SV2C: variants seen among roughly 807,000 people sequenced by gnomAD.
SV2C encodes solute carrier family 22 member B3.
SV2C carries 49 observed loss-of-function variants against 79.7 expected under a neutral mutation model. The observed-to-expected ratio is 0.61, with a 90% CI of 0.49 to 0.78. SV2C has a LOEUF of 0.78. Among genes scored for constraint, SV2C ranks in the 30% least tolerant of loss-of-function variants. SV2C has a pLI of 0.00. For synonymous variants in SV2C, 334 were observed against 333.2 expected (o/e 1.00, Z -0.03); for missense variants, 833 against 912.9 (o/e 0.91, Z 1.13).
chr5:76,052,838 TATA>T, the SV2C span, among the ~76,000 whole-genome samples: 2 of 152,018 alleles, frequency 1.3e-5, no homozygotes, highest in Non-Finnish European at 2.9e-5. Context: ...TTCTGACTAC[TATA>T]ATAATGTTTA....
chr5:76,298,143 CAG>C (rs1747840498), intron 9 of SV2C, among the ~76,000 whole-genome samples: 1 of 152,060 alleles, frequency 6.6e-6, no homozygotes, highest in Admixed American at 6.5e-5. Context: ...CAAAAATAAG[CAG>C]AGTTCTCATA....
chr5:76,030,266 GTTTT>G, the SV2C span, among the ~76,000 whole-genome samples: 2 of 31,980 alleles, frequency 6.3e-5, no homozygotes, highest in African/African-American at 2.9e-4. Flanking sequence ...TCAGAGGCTT[GTTTT>G]TTTTTTTTTT....
chr5:76,256,553 C>T (rs968254244), intron 4 of SV2C, among the ~76,000 whole-genome samples: 6 of 152,178 alleles, frequency 3.9e-5, no homozygotes, highest in Non-Finnish European at 7.3e-5. Flanking sequence ...TGACTTGTGT[C>T]CATCACTCTT....
At position 76,237,969 on chromosome 5, in the gene SV2C, A is replaced by AACACAC. The variant is rs200837649; in HGVS notation, c.913+28100_913+28105dup. ...GCTTATGGCCCTAGTCCAGAGGACTAACACACACACACACACACACACATA... is the reference window on the plus strand; with the variant it reads ...GCTTATGGCCCTAGTCCAGAGGACTAACACACACACACACACACACACACACACATA... On this transcript the variant is annotated intron_variant, in intron 4 of 12. Transcript: ENST00000502798. Among the ~76,000 whole-genome samples the AACACAC allele has an allele frequency of 4.3e-3, 586 of 136,918 alleles. 2 individuals carry two copies. Among genetic ancestry groups the AACACAC allele is most frequent in the Admixed American group, 8.0e-3 (113 of 14,090 alleles). 89.8% of individuals were successfully genotyped at this position (136,918 alleles called of 152,430 possible). A position where few individuals can be genotyped will look rare whatever the true frequency, so the allele number is the denominator to read the frequency against.
At chr5:76,261,879 A>G (rs1285549241) in intron 4 of SV2C, among the ~76,000 whole-genome samples, 1 of 152,244 alleles carries the variant, frequency 6.6e-6, no homozygotes, top group Non-Finnish European at 1.5e-5. Flanking sequence ...ATCGATGTTC[A>G]TCAGGGATAT....
At chr5:75,927,810 C>A in the SV2C span, among the ~76,000 whole-genome samples, 2 of 152,034 alleles carry the variant, frequency 1.3e-5, no homozygotes, top group Non-Finnish European at 2.9e-5. Context: ...GAAATGTGTG[C>A]AATTTTTGGT....
intron 2 of SV2C, among the ~76,000 whole-genome samples, chr5:76,158,185 A>C (rs1742793027): frequency 6.6e-6 from 1 of 151,918 alleles, no homozygotes; most frequent in African/African-American, 2.4e-5. Context: ...ACATAAATTT[A>C]CTGTATCAAT....
chr5:76,006,936 A>G, the SV2C span, among the ~76,000 whole-genome samples: 3 of 152,176 alleles, frequency 2.0e-5, no homozygotes, highest in Non-Finnish European at 4.4e-5. Flanking sequence ...GGACTTCGTC[A>G]TCATCAACAA....
intron 3 of SV2C, among the ~76,000 whole-genome samples, chr5:76,199,771 A>G (rs1744378414): frequency 6.6e-6 from 1 of 152,222 alleles, no homozygotes; most frequent in African/African-American, 2.4e-5. Context: ...TTCTTACTTG[A>G]TCTGTATAAG....
chr5:75,915,528 C>T, the SV2C span, among the ~76,000 whole-genome samples: 4 of 152,270 alleles, frequency 2.6e-5, no homozygotes, highest in Admixed American at 1.3e-4. Context: ...GTATGACTGC[C>T]TAATATATAG....
the SV2C span, among the ~76,000 whole-genome samples, chr5:75,902,928 G>T: frequency 4.9e-4 from 75 of 152,224 alleles, no homozygotes; most frequent in Non-Finnish European, 8.8e-5. Context: ...TGATCTAAAA[G>T]GCTAATGTTG....
At chr5:76,065,207 T>A in the SV2C span, among the ~76,000 whole-genome samples, 1 of 152,222 alleles carries the variant, frequency 6.6e-6, no homozygotes, top group African/African-American at 2.4e-5. Flanking sequence ...TTGTGGTTTT[T>A]AAAATATAAT....
chr5:75,858,848 A>G, the SV2C span, among the ~76,000 whole-genome samples: 4 of 147,860 alleles, frequency 2.7e-5, no homozygotes, highest in African/African-American at 1.1e-4. Flanking sequence ...GTGTCTAGGA[A>G]TTTATTTTTC....
the SV2C span, chr5:75,920,543 T>C: frequency 8.1e-5 from 38 of 471,470 alleles, no homozygotes; most frequent in African/African-American, 7.7e-4. Context: ...CACACCATCT[T>C]GGAATAAGAA....
At chr5:76,082,894 C>T (rs573637302), upstream of SV2C, among the ~76,000 whole-genome samples, 3 of 152,294 alleles carry the variant, frequency 2.0e-5, no homozygotes, top group African/African-American at 7.2e-5. Context: ...CAAGTCAGTC[C>T]CAGGCCCGGA....
At chr5:75,933,829 A>C in the SV2C span, among the ~76,000 whole-genome samples, 86,266 of 152,046 alleles carry the variant, frequency 0.57, 25,352 homozygotes, top group African/African-American at 0.73. Context: ...CCTGACCAAA[A>C]CTAACTTTGC....
In SV2C at chr5:76,325,370, A is replaced by G. The variant is rs1561318429; in HGVS notation, c.2007A>G (p.Thr669=). The part of the protein sequence containing the change: ...VELYPTDRRA[T]GFGFLNALCK... ...ATGTCTCTTTCCTTTGCAGGGCAAC[A>G]GGCTTTGGCTTCTTAAATGCGCTAT... Residue 669 remains threonine (T), a synonymous_variant, in exon 13 of 13, where the codon ACA becomes ACG. Transcript: ENST00000502798. 6.2e-7 allele frequency: 1 copy of G among 1,614,112 alleles called. No homozygotes were observed. The highest frequency in any genetic ancestry group is 2.2e-5 in the East Asian group (1 of 44,882).
chr5:75,988,598 A>G, the SV2C span, among the ~76,000 whole-genome samples: 1 of 151,930 alleles, frequency 6.6e-6, no homozygotes, highest in Non-Finnish European at 1.5e-5. Flanking sequence ...GGAGAAAGCC[A>G]CTGACTCTCC....
chr5:75,897,832 T>A, the SV2C span, among the ~76,000 whole-genome samples: 1 of 152,022 alleles, frequency 6.6e-6, no homozygotes, highest in African/African-American at 2.4e-5. Context: ...TTGAAGCAAT[T>A]GTAAATGGGA....
Sources: gnomAD v4.1 joint callset for allele counts (sites outside exome capture counted in the v4.1 genomes callset) on GRCh38, gnomAD v4.1.1 for gene constraint, MANE v1.5 for transcripts, NCBI Gene and HGNC (gene_info 2026-07-23, HGNC 2026-07-21) for gene names.